SQSTM1: variants seen among roughly 807,000 people sequenced by gnomAD.
The protein encoded by SQSTM1 is sequestosome 1.
A neutral mutation model predicts 45.1 loss-of-function variants in SQSTM1; 36 were observed. The ratio of observed to expected loss-of-function variants is 0.80; its 90% CI spans 0.61 to 1.05. The LOEUF (loss-of-function observed/expected upper bound fraction) is 1.05, where lower values mean the gene tolerates loss of function less well. Among genes scored for constraint, SQSTM1 ranks in the 50% least tolerant of loss-of-function variants. The pLI is 0.00. For missense variants in SQSTM1, 617 were observed against 607.1 expected (o/e 1.02, Z -0.17); for synonymous variants, 290 against 244.3 (o/e 1.19, Z -1.74).
intron 2 of SQSTM1, chr5:179,812,076 T>G (rs1290959426): frequency 2.0e-5 from 3 of 152,224 alleles, no homozygotes; most frequent in Admixed American, 6.5e-5. Flanking sequence ...AGTGCTGGGA[T>G]TACAGGCGTG....
intron 1 of SQSTM1, among the ~76,000 whole-genome samples, chr5:179,811,331 A>AT (rs1757391214): frequency 8.9e-6 from 1 of 112,080 alleles, no homozygotes; most frequent in South Asian, 3.5e-4. Context: ...GGAGCTTTGC[A>AT]GGGGGAGGAG....
Position 179,837,504 on chromosome 5 carries a change from C to T in SQSTM1, c.*911C>T, listed in dbSNP as rs531042257. 23 of 1,614,056 alleles carry T rather than the reference C, an allele frequency of 1.4e-5. No homozygotes were observed. In the Admixed American group the frequency reaches 2.2e-4, roughly 15 times the overall value. ...CCACCCTCTGCCCAGGGAGTCCTTG[C>T]GTCCCATGAGGTCTTCCCGCAAGGC... On this transcript the variant is annotated 3_prime_UTR_variant, in exon 8 of 8. Transcript: ENST00000389805.
At chr5:179,827,554 G>C (rs1758047859) in intron 5 of SQSTM1, among the ~76,000 whole-genome samples, 1 of 152,232 alleles carries the variant, frequency 6.6e-6, no homozygotes, top group Non-Finnish European at 1.5e-5. Context: ...CAAGTGCTGG[G>C]ATTACAGGCG....
chr5:179,834,880 GC>G, intron 7 of SQSTM1, among the ~76,000 whole-genome samples: 1 of 152,306 alleles, frequency 6.6e-6, no homozygotes, highest in East Asian at 1.9e-4. Flanking sequence ...CCACAAAGCC[GC>G]CATTGTCATC....
At chr5:179,818,308 T>G (rs1757644979), upstream of SQSTM1, among the ~76,000 whole-genome samples, 1 of 152,100 alleles carries the variant, frequency 6.6e-6, no homozygotes. Context: ...AGGACCTCTG[T>G]AGAGGAACTC....
upstream of SQSTM1, among the ~76,000 whole-genome samples, chr5:179,818,130 T>C (rs1425134147): frequency 6.6e-6 from 1 of 150,522 alleles, no homozygotes; most frequent in Non-Finnish European, 1.5e-5. Flanking sequence ...AGTTGCCATG[T>C]AGGGCAGGAG....
At chr5:179,833,417 C>T (rs1758339735) in intron 6 of SQSTM1, 170 bp from the exon 7 acceptor site, 1 of 981,428 alleles carries the variant, frequency 1.0e-6, no homozygotes, top group Admixed American at 2.0e-5. Flanking sequence ...CCTGCTAGAA[C>T]TTTGTAGTTA....
chr5:179,835,555 G>A (rs60462250), intron 7 of SQSTM1: 1,693 of 157,988 alleles, frequency 0.011, 37 homozygotes, highest in African/African-American at 0.038. Context: ...TCGTGGCGGC[G>A]CGCACCTGCA....
In SQSTM1 at chr5:179,820,921, C is replaced by T. The variant is rs769189476; in HGVS notation, c.-16C>T. 5.9e-6 allele frequency: 9 copies of T among 1,523,380 alleles called. No homozygotes were observed. Among genetic ancestry groups the T allele is most frequent in the South Asian group, 1.2e-5 (1 of 84,002 alleles). 94.4% of individuals were successfully genotyped at this position (1,523,380 alleles called of 1,614,324 possible). A position where few individuals can be genotyped will look rare whatever the true frequency, so the allele number is the denominator to read the frequency against. ...GCGACCGGGACGGCCCGTTTTCCGC[C>T]AGCTCGCCGCTCGCTATGGCGTCGC... On this transcript the variant is annotated 5_prime_UTR_variant, in exon 1 of 8. Transcript: ENST00000389805.
At chr5:179,826,885 A>T (rs1450360693) in intron 5 of SQSTM1, among the ~76,000 whole-genome samples, 2 of 152,028 alleles carry the variant, frequency 1.3e-5, no homozygotes, top group Non-Finnish European at 2.9e-5. Context: ...CCGGCCAAGA[A>T]TCAGTATTCT....
intron 5 of SQSTM1, 149 bp from the exon 6 acceptor site, chr5:179,832,883 G>A (rs1441995453): frequency 3.2e-5 from 25 of 788,692 alleles, no homozygotes; most frequent in East Asian, 2.4e-4. Flanking sequence ...GCATCCACAC[G>A]CTGAGTGCCA....
intron 5 of SQSTM1, among the ~76,000 whole-genome samples, chr5:179,825,607 T>A (rs1331571402): frequency 2.0e-5 from 3 of 152,204 alleles, no homozygotes; most frequent in Non-Finnish European, 4.4e-5. Context: ...TGGGTAGTAG[T>A]TAGTTGACAT....
upstream of SQSTM1, chr5:179,820,747 G>A (rs2516294): frequency 0.017 from 8,377 of 503,212 alleles, 576 homozygotes; most frequent in African/African-American, 0.15. Context: ...GCGAGGGGTA[G>A]CGGGGAAGGG....
chr5:179,821,522 C>G, intron 1 of SQSTM1: 1 of 497,834 alleles, frequency 2.0e-6, no homozygotes, highest in South Asian at 1.5e-5. Context: ...GGCGGGCACT[C>G]GGGTTACACT....
chr5:179,828,720 A>C (rs1436441845), intron 5 of SQSTM1, among the ~76,000 whole-genome samples: 2 of 152,204 alleles, frequency 1.3e-5, no homozygotes, highest in Non-Finnish European at 2.9e-5. Flanking sequence ...AAAGGAGAAA[A>C]ATAATTTAAA....
intron 5 of SQSTM1, among the ~76,000 whole-genome samples, chr5:179,828,791 CTA>C (rs1262873558): frequency 6.6e-6 from 1 of 150,538 alleles, no homozygotes; most frequent in Non-Finnish European, 1.5e-5. Context: ...CCCTTAAACT[CTA>C]TTGAAATAAC....
chr5:179,833,155 C>G lies in SQSTM1; in HGVS notation c.878C>G (p.Pro293Arg). Residue 293 changes from proline (P) to arginine (R), a missense_variant, in exon 6 of 8, where the codon CCC becomes CGC. Coordinates refer to ENST00000389805, the MANE Select transcript of SQSTM1 (RefSeq NM_003900.5). ...SSQPSSCCSD[P>R]SKPGGNVEGA... is the part of the protein sequence containing the mutation. ...CAGCCAAGCAGCTGCTGCTCTGACC[C>G]CAGCAAGCCGGGTGGGAATGTTGAG... 1.9e-6 allele frequency: 3 copies of G among 1,614,108 alleles called. No homozygotes were observed. The highest frequency in any genetic ancestry group is 2.5e-6 in the Non-Finnish European group (3 of 1,180,018).
At chr5:179,821,635 G>A (rs780307364) in intron 1 of SQSTM1, 7 of 420,554 alleles carry the variant, frequency 1.7e-5, no homozygotes, top group Admixed American at 2.6e-5. Context: ...GCGCGGGGGT[G>A]CGGGGGACTC....
rs757587948 is a variant in SQSTM1 at position 179,822,968 on chromosome 5, G to C, written c.216G>C (p.Gly72=). ...TTTTAAACAATCTAGATGAGGACGG[G>C]GACTTGGTTGCCTTTTCCAGTGACG... ...GFQAHYRDED[G]DLVAFSSDEE... Residue 72 remains glycine, a synonymous_variant, in exon 2 of 8, where the codon GGG becomes GGC. Coordinates refer to ENST00000389805, the MANE Select transcript of SQSTM1 (RefSeq NM_003900.5). 19 of 1,613,970 alleles carry C rather than the reference G, an allele frequency of 1.2e-5. No homozygotes were observed. The South Asian group carries it at 1.6e-4, about 14-fold the overall frequency.
Sources: gnomAD v4.1 joint callset for allele counts (sites outside exome capture counted in the v4.1 genomes callset) on GRCh38, gnomAD v4.1.1 for gene constraint, MANE v1.5 for transcripts, NCBI Gene and HGNC (gene_info 2026-07-23, HGNC 2026-07-21) for gene names.